The following MED13L variants were observed in gnomAD, a reference collection of about 807,000 sequenced individuals.
The protein encoded by MED13L is mediator complex subunit 13L, also known as mediator of RNA polymerase II transcription subunit 13-like.
MED13L carries 7 observed loss-of-function variants against 220.9 expected under a neutral mutation model. The ratio of observed to expected loss-of-function variants is 0.03; its 90% CI spans 0.02 to 0.06. The LOEUF (loss-of-function observed/expected upper bound fraction) is 0.06. Ranked by LOEUF, MED13L falls within the 10% of genes least tolerant of loss-of-function variation. MED13L has a pLI of 1.00. For synonymous variants in MED13L, 1,011 were observed against 1,015.2 expected (o/e 1.00, Z 0.08); for missense variants, 1,965 against 2,760.5 (o/e 0.71, Z 6.46).
chr12:116,117,739 A>G (rs1366908214), intron 2 of MED13L, among the ~76,000 whole-genome samples: 1 of 152,204 alleles, frequency 6.6e-6, no homozygotes, highest in African/African-American at 2.4e-5. Context: ...CCAATGTACC[A>G]GTTATATTCT....
chr12:116,181,989 T>G (rs1294590634), intron 2 of MED13L, among the ~76,000 whole-genome samples: 2 of 152,210 alleles, frequency 1.3e-5, no homozygotes, highest in Non-Finnish European at 2.9e-5. Flanking sequence ...AAAACCATAT[T>G]GCAAACTGCT....
Position 116,277,013 on chromosome 12 carries a change from C to T in MED13L, c.72+47G>A, listed in dbSNP as rs1444914392. On this transcript the variant is annotated intron_variant, in intron 1 of 30. Coordinates refer to ENST00000281928, the MANE Select transcript of MED13L (RefSeq NM_015335.5). Reference sequence around the variant, plus strand: ...TGGTCGGCGGCGGAGGTCGGGGACCCCCCCCCTTCCCCGGCACAGCCCCCT... The same window carrying T: ...TGGTCGGCGGCGGAGGTCGGGGACCTCCCCCCTTCCCCGGCACAGCCCCCT... 7 of 1,284,198 alleles carry T rather than the reference C, an allele frequency of 5.5e-6. 1 individual carries two copies. Among genetic ancestry groups the T allele is most frequent in the African/African-American group, 2.9e-5 (2 of 68,410 alleles). The allele number at this position is 1,284,198 out of a possible 1,614,324, so 79.6% of individuals were successfully genotyped here.
intron 2 of MED13L, among the ~76,000 whole-genome samples, chr12:116,130,733 C>T (rs752491319): frequency 1.3e-5 from 2 of 152,068 alleles, no homozygotes; most frequent in Non-Finnish European, 2.9e-5. Context: ...CTACAACAGA[C>T]AATGCAAGCA....
chr12:115,984,009 T>C (rs2137277467), intron 20 of MED13L, among the ~76,000 whole-genome samples, 171 bp downstream of exon 20: 1 of 152,324 alleles, frequency 6.6e-6, no homozygotes, highest in African/African-American at 2.4e-5. Flanking sequence ...AAAAAATATA[T>C]GTCCATATAG....
intron 2 of MED13L, among the ~76,000 whole-genome samples, chr12:116,210,565 A>G: frequency 6.9e-6 from 1 of 143,906 alleles, no homozygotes; most frequent in Non-Finnish European, 1.5e-5. Context: ...ATATATATAT[A>G]TATATATATA....
In MED13L at chr12:116,237,462, C is replaced by A. The variant is rs1194308793; in HGVS notation, c.310+6G>T. On this transcript the variant is annotated splice_donor_region_variant and intron_variant, in intron 2 of 30. Transcript: ENST00000281928. Reference sequence around the variant, plus strand: ...ATAATTTTTAAGAAAAAAACAGAAACCTTACCCTGCAGTTCATGATGTATT... The same window carrying A: ...ATAATTTTTAAGAAAAAAACAGAAAACTTACCCTGCAGTTCATGATGTATT... 1 of 1,592,570 alleles carries A rather than the reference C, an allele frequency of 6.3e-7. No individual in the cohort carries two copies. Among genetic ancestry groups the A allele is most frequent in the Admixed American group, 1.7e-5 (1 of 59,994 alleles).
chr12:116,271,558 G>A (rs185910999), intron 1 of MED13L, among the ~76,000 whole-genome samples: 334 of 151,586 alleles, frequency 2.2e-3, no homozygotes, highest in African/African-American at 7.4e-3. Flanking sequence ...CCCGGGAGGC[G>A]GAGCTTGCAG....
intron 2 of MED13L, among the ~76,000 whole-genome samples, chr12:116,125,794 C>A (rs1875536600): frequency 6.6e-6 from 1 of 152,164 alleles, no homozygotes; most frequent in Non-Finnish European, 1.5e-5. Context: ...CATGTCACCA[C>A]ACATTAAAAA....
intron 2 of MED13L, among the ~76,000 whole-genome samples, chr12:116,175,952 A>G (rs1000110473): frequency 6.6e-6 from 1 of 152,214 alleles, no homozygotes; most frequent in African/African-American, 2.4e-5. Context: ...TATCGAAAAT[A>G]TCAGAATGGA....
intron 2 of MED13L, among the ~76,000 whole-genome samples, chr12:116,163,498 G>A (rs1879034264): frequency 6.6e-6 from 1 of 151,766 alleles, no homozygotes; most frequent in Admixed American, 6.6e-5. Flanking sequence ...CTGAGTAGCT[G>A]GGATTACAGG....
At chr12:116,242,628 T>C (rs913767842) in intron 1 of MED13L, among the ~76,000 whole-genome samples, 1 of 152,198 alleles carries the variant, frequency 6.6e-6, no homozygotes, top group Non-Finnish European at 1.5e-5. Context: ...TTACCAAGCA[T>C]CTACTTACTA....
chr12:115,991,165 C>G lies in MED13L; in HGVS notation c.3789G>C (p.Arg1263=), dbSNP rs1878034483. 7 of 1,614,108 alleles carry G rather than the reference C, an allele frequency of 4.3e-6. No individual in the cohort carries two copies. The Middle Eastern group carries it at 6.6e-4, about 152-fold the overall frequency. ...AGTAATCATTATTATCTGCTTGCAC[C>G]CGGTCATAACTCCAGCTTACACAGG... is the stretch of plus-strand genomic sequence containing the variant. ...TLPCVSWSYD[R]VQADNNDYWT... The change falls in exon 17 of 31, where the codon CGG becomes CGC. Residue 1263 remains arginine, a synonymous_variant. Transcript: ENST00000281928. This position sits in a 1 kb window ranked among gnomAD's most constrained non-coding sequence, Gnocchi z 7.7.
At chr12:116,276,881 G>A (rs1873897389) in intron 1 of MED13L, 179 bp downstream of exon 1, 1 of 966,450 alleles carries the variant, frequency 1.0e-6, no homozygotes, top group Non-Finnish European at 1.6e-6. Flanking sequence ...ACACTGGATG[G>A]GATCCAAGGC....
intron 4 of MED13L, among the ~76,000 whole-genome samples, chr12:116,060,149 G>C (rs558106108): frequency 1.3e-5 from 2 of 152,070 alleles, no homozygotes; most frequent in South Asian, 2.1e-4. Context: ...ACACTGCCCA[G>C]GACACTCTCA....
intron 1 of MED13L, among the ~76,000 whole-genome samples, chr12:116,244,436 C>A (rs1481844159): frequency 6.6e-6 from 1 of 152,038 alleles, no homozygotes; most frequent in African/African-American, 2.4e-5. Flanking sequence ...GCAGGTGGAA[C>A]AAGAGAGGAT....
rs754271014 is a variant in MED13L at position 116,009,149 on chromosome 12, C to T, written c.1281-17G>A. 19 of 1,613,444 alleles carry T rather than the reference C, an allele frequency of 1.2e-5. No homozygotes were observed. Among genetic ancestry groups the T allele is most frequent in the Admixed American group, 1.7e-5 (1 of 59,974 alleles). On this transcript the variant is annotated splice_polypyrimidine_tract_variant and intron_variant, in intron 9 of 30. Coordinates refer to ENST00000281928, the MANE Select transcript of MED13L (RefSeq NM_015335.5). ...AGCTTATGCCTAAAATGAGAGTAAA[C>T]AATTACATCATTATAACATTAAGAA...
chr12:116,068,363 C>T (rs891418624), intron 4 of MED13L, among the ~76,000 whole-genome samples: 11 of 152,142 alleles, frequency 7.2e-5, no homozygotes, highest in Non-Finnish European at 1.3e-4. Flanking sequence ...CAATTAAATA[C>T]GAATTTATTG....
intron 1 of MED13L, among the ~76,000 whole-genome samples, chr12:116,270,198 G>A (rs1373064310): frequency 6.6e-6 from 1 of 151,236 alleles, no homozygotes; most frequent in Non-Finnish European, 1.5e-5. Flanking sequence ...CTGGAGTGCA[G>A]TGGCACCATC....
rs763226240 is a variant in MED13L, at chr12:115,960,469, T to C, written c.*797A>G. On this transcript the variant is annotated 3_prime_UTR_variant, in exon 31 of 31. Coordinates refer to ENST00000281928, the MANE Select transcript of MED13L (RefSeq NM_015335.5). ...GTTTGTTGTTAACAAAACCTACTGC[T>C]GGGTGGTTTTGAATATATTACTTTT... 3 of 152,566 alleles carry C rather than the reference T, an allele frequency of 2.0e-5. No individual in the cohort carries two copies. Among genetic ancestry groups the C allele is most frequent in the Non-Finnish European group, 4.4e-5 (3 of 68,034 alleles). 9.5% of individuals were successfully genotyped at this position (152,566 alleles called of 1,614,324 possible). A position where few individuals can be genotyped will look rare whatever the true frequency, so the allele number is the denominator to read the frequency against.
Sources: gnomAD v4.1 joint callset for allele counts (sites outside exome capture counted in the v4.1 genomes callset) on GRCh38, gnomAD v4.1.1 for gene constraint, Gnocchi (gnomAD v3.1) non-coding constraint, MANE v1.5 for transcripts, NCBI Gene and HGNC (gene_info 2026-07-23, HGNC 2026-07-21) for gene names.